Variants in MMP26 observed in about 807,000 individuals in gnomAD.
MMP26 encodes the protein matrix metalloproteinase-26.
Under a neutral mutation model 31.0 loss-of-function variants are expected in MMP26, and 33 were observed. The observed-to-expected ratio is 1.06, with a 90% CI of 0.81 to 1.42. The LOEUF is 1.42. MMP26 is among the 40% of genes most tolerant of loss of function. The pLI is 0.00. For missense variants in MMP26, 347 were observed against 316.1 expected, an observed-to-expected ratio of 1.10 and a Z score of -0.74; for synonymous variants, 122 against 114.9, an observed-to-expected ratio of 1.06 and a Z score of -0.40.
intron 2 of MMP26, chr11:4,882,716 G>A: frequency 6.2e-7 from 1 of 1,613,884 alleles, no homozygotes; most frequent in East Asian, 2.2e-5. Flanking sequence ...CACCCCAAGG[G>A]TGCTCTGTAG....
At chr11:4,750,913 A>ATT (rs140570978) in intron 1 of MMP26, among the ~76,000 whole-genome samples, 1 of 151,148 alleles carries the variant, frequency 6.6e-6, no homozygotes, top group Non-Finnish European at 1.5e-5. Context: ...CCCTAAATCT[A>ATT]TTTTTTTTTA....
chr11:4,904,567 T>C (rs1016120174), intron 2 of MMP26, among the ~76,000 whole-genome samples: 3 of 152,132 alleles, frequency 2.0e-5, no homozygotes, highest in African/African-American at 7.2e-5. Flanking sequence ...ACATTTTTAC[T>C]GTATGATTTC....
intron 2 of MMP26, among the ~76,000 whole-genome samples, chr11:4,884,329 G>A (rs1362730079): frequency 6.6e-6 from 1 of 152,002 alleles, no homozygotes. Flanking sequence ...TCTTTGCCTT[G>A]TGCACTCAGC....
chr11:4,896,912 A>G (rs1447597772), intron 2 of MMP26, among the ~76,000 whole-genome samples: 2 of 152,078 alleles, frequency 1.3e-5, no homozygotes, highest in Non-Finnish European at 2.9e-5. Flanking sequence ...TAAGATGGCT[A>G]TTTCTTCTTG....
At chr11:4,981,324 G>A (rs1256609565) in intron 2 of MMP26, among the ~76,000 whole-genome samples, 1 of 152,094 alleles carries the variant, frequency 6.6e-6, no homozygotes, top group Non-Finnish European at 1.5e-5. Context: ...ATCGTAGAGT[G>A]TATTTACACA....
At chr11:4,973,227 T>G (rs917350894) in intron 2 of MMP26, 1 of 160,232 alleles carries the variant, frequency 6.2e-6, no homozygotes, top group African/African-American at 2.4e-5. Flanking sequence ...AGTATCAACA[T>G]GTAGGACATG....
intron 2 of MMP26, chr11:4,923,917 TG>T (rs1564808071): frequency 6.2e-7 from 1 of 1,613,980 alleles, no homozygotes; most frequent in Non-Finnish European, 8.5e-7. Flanking sequence ...TGACAATACA[TG>T]CAGGTGTCAG....
intron 2 of MMP26, among the ~76,000 whole-genome samples, chr11:4,920,750 T>A (rs549765545): frequency 1.3e-5 from 2 of 152,280 alleles, no homozygotes; most frequent in African/African-American, 4.8e-5. Flanking sequence ...TCCCTTTGGG[T>A]TTCATTCAAA....
At chr11:4,735,397 A>T (rs4910671) in intron 1 of MMP26, among the ~76,000 whole-genome samples, 66,395 of 151,808 alleles carry the variant, frequency 0.44, 15,050 homozygotes, top group African/African-American at 0.56. Context: ...TGTGTACCTC[A>T]CTGTTTATGG....
At chr11:4,858,090 CTATTTATGA>C (rs917682871) in intron 2 of MMP26, among the ~76,000 whole-genome samples, 8 of 152,088 alleles carry the variant, frequency 5.3e-5, no homozygotes, top group African/African-American at 1.9e-4. Context: ...ATAATAAGAG[CTATTTATGA>C]CAGACCCAGA....
chr11:4,763,828 A>T (rs1848596699), intron 1 of MMP26, among the ~76,000 whole-genome samples: 1 of 152,200 alleles, frequency 6.6e-6, no homozygotes, highest in Non-Finnish European at 1.5e-5. Context: ...GTCACAGATT[A>T]ATAATTATTA....
intron 2 of MMP26, among the ~76,000 whole-genome samples, chr11:4,986,944 T>TCC (rs1846906481): frequency 2.9e-5 from 4 of 135,666 alleles, no homozygotes; most frequent in Non-Finnish European, 4.9e-5. Context: ...TCTCTCTCTC[T>TCC]CTCTCTCTCT....
chr11:4,956,028 C>T (rs887570398), intron 2 of MMP26, among the ~76,000 whole-genome samples: 3 of 152,026 alleles, frequency 2.0e-5, no homozygotes, highest in Non-Finnish European at 2.9e-5. Flanking sequence ...TTTATTTTTC[C>T]TGTAAAATAT....
At chr11:4,882,910 T>G (rs1290491155) in intron 2 of MMP26, 1 of 1,574,148 alleles carries the variant, frequency 6.4e-7, no homozygotes, top group Non-Finnish European at 8.7e-7. Flanking sequence ...GGACACGAAT[T>G]ATGCTTTGGA....
chr11:4,916,593 C>G (rs925673783), intron 2 of MMP26, among the ~76,000 whole-genome samples: 9 of 152,064 alleles, frequency 5.9e-5, no homozygotes, highest in Non-Finnish European at 1.0e-4. Context: ...TCTAGACAGA[C>G]CAACCCTTCA....
intron 2 of MMP26, among the ~76,000 whole-genome samples, chr11:4,919,789 A>T (rs1394839614): frequency 6.6e-6 from 1 of 152,164 alleles, no homozygotes; most frequent in African/African-American, 2.4e-5. Context: ...AAGTCAGGCT[A>T]GGTTCTTGAA....
At chr11:4,825,961 G>T (rs180874863) in intron 2 of MMP26, among the ~76,000 whole-genome samples, 1 of 151,994 alleles carries the variant, frequency 6.6e-6, no homozygotes, top group East Asian at 1.9e-4. Context: ...TATTAACAAG[G>T]AGCTAAAATA....
intron 2 of MMP26, chr11:4,907,588 G>C: frequency 6.2e-7 from 1 of 1,613,982 alleles, no homozygotes; most frequent in East Asian, 2.2e-5. Flanking sequence ...ACATGGGCCT[G>C]TCCCTCTCCT....
chr11:4,710,293 C>A (rs953669489), intron 1 of MMP26: 1 of 456,780 alleles, frequency 2.2e-6, no homozygotes. Flanking sequence ...GCTTTTGGTA[C>A]CTGTGTCTCT....
Sources: gnomAD v4.1 joint callset for allele counts (sites outside exome capture counted in the v4.1 genomes callset) on GRCh38, gnomAD v4.1.1 for gene constraint, MANE v1.5 for transcripts, NCBI Gene and HGNC (gene_info 2026-07-23, HGNC 2026-07-21) for gene names.